RGS3: variants seen among roughly 807,000 people sequenced by gnomAD.
RGS3 encodes the protein regulator of G protein signaling 3, also known as regulator of G-protein signalling 3.
RGS3 carries 80 observed loss-of-function variants against 132.6 expected under a neutral mutation model. The ratio of observed to expected loss-of-function variants is 0.60; its 90% CI spans 0.50 to 0.73. RGS3 has a LOEUF of 0.73. Ranked by LOEUF, RGS3 falls within the 30% of genes least tolerant of loss-of-function variation. The probability of loss-of-function intolerance (pLI) is 0.00; values close to 1 mark genes in which losing one functional copy is unlikely to be tolerated. For synonymous variants in RGS3, 598 were observed against 620.6 expected (o/e 0.96, Z 0.54); for missense variants, 1,382 against 1,530.8 (o/e 0.90, Z 1.62).
chr9:113,591,183 G>A lies in RGS3; in HGVS notation c.3016-150G>A. The A allele has an allele frequency of 1.5e-6, 1 of 646,824 alleles. No individual in the cohort carries two copies. Among genetic ancestry groups the A allele is most frequent in the Non-Finnish European group, 2.7e-6 (1 of 369,048 alleles). The allele number at this position is 646,824 out of a possible 1,614,324, so 40.1% of individuals were successfully genotyped here. A position where few individuals can be genotyped will look rare whatever the true frequency, so the allele number is the denominator to read the frequency against. On this transcript the variant is annotated intron_variant, in intron 20 of 24. Transcript: ENST00000350696. This position sits in a 1 kb window ranked among gnomAD's most constrained non-coding sequence, Gnocchi z 4.4. ...CATGGCCAGGCTGTTCCCAGCAGTG[G>A]GGTTTCCCTCCCTCACCTGTGTGCC...
At chr9:113,520,051 C>T (rs1831865991) in intron 16 of RGS3, among the ~76,000 whole-genome samples, 1 of 152,182 alleles carries the variant, frequency 6.6e-6, no homozygotes, top group Admixed American at 6.5e-5. Flanking sequence ...CAAGAAGAAG[C>T]TTAGTTAGGG....
chr9:113,594,372 G>T (rs576516149), intron 21 of RGS3, 58 bp from the exon 20 acceptor site: 3 of 1,603,364 alleles, frequency 1.9e-6, no homozygotes, highest in Non-Finnish European at 2.6e-6. Context: ...CCCGACTCTG[G>T]ATTTGCAGGG....
intron 4 of RGS3, among the ~76,000 whole-genome samples, chr9:113,480,831 G>A (rs1830137187): frequency 6.6e-6 from 1 of 152,194 alleles, no homozygotes; most frequent in Non-Finnish European, 1.5e-5. Flanking sequence ...CCTTCCATCC[G>A]GCACATGAAT....
chr9:113,475,784 G>T (rs371140309), intron 3 of RGS3, among the ~76,000 whole-genome samples: 149 of 150,542 alleles, frequency 9.9e-4, no homozygotes, highest in South Asian at 2.9e-3. Context: ...GAGGTTGGGT[G>T]GGGGGGGTGT....
intron 7 of RGS3, among the ~76,000 whole-genome samples, chr9:113,493,061 C>T (rs1830572030): frequency 6.6e-6 from 1 of 152,178 alleles, no homozygotes; most frequent in African/African-American, 2.4e-5. Context: ...AGTATGGGCA[C>T]CTGGATAGCA....
chr9:113,479,311 C>A (rs947322079), intron 3 of RGS3, 180 bp from the exon 2 acceptor site: 1 of 677,850 alleles, frequency 1.5e-6, no homozygotes, highest in South Asian at 1.7e-5. Flanking sequence ...AAGGGACTCC[C>A]GATGTGGTGG....
intron 19 of RGS3, among the ~76,000 whole-genome samples, chr9:113,573,395 C>T (rs979530834): frequency 1.3e-5 from 2 of 152,170 alleles, no homozygotes; most frequent in African/African-American, 4.8e-5. Context: ...AGGGGCACCA[C>T]CATGGGCTAC....
intron 14 of RGS3, among the ~76,000 whole-genome samples, chr9:113,513,674 T>C (rs1174528787): frequency 6.6e-6 from 1 of 152,146 alleles, no homozygotes. Context: ...GAGGGTGAAA[T>C]AAGTTGCCCA....
rs1009261023 is a variant in RGS3, at chr9:113,510,103, C to A, written c.1477+1523C>A. On this transcript the variant is annotated intron_variant, in intron 14 of 24. Coordinates refer to ENST00000350696, the Ensembl canonical transcript of RGS3. ...TCTCACCCCCCTCCCATCCTTCCCCCGAAGTCTGCAAAGTCCATGGTATCA... is the reference window on the plus strand; with the variant it reads ...TCTCACCCCCCTCCCATCCTTCCCCAGAAGTCTGCAAAGTCCATGGTATCA... Among the ~76,000 whole-genome samples the A allele has an allele frequency of 3.3e-5, 5 of 152,022 alleles. No homozygotes were observed. The East Asian group carries it at 9.6e-4, about 29-fold the overall frequency.
chr9:113,461,524 G>T (rs1829469889), intron 1 of RGS3, among the ~76,000 whole-genome samples: 1 of 152,180 alleles, frequency 6.6e-6, no homozygotes, highest in East Asian at 1.9e-4. Context: ...CTTACTGGTG[G>T]TGGTGAAGGT....
chr9:113,581,952 TC>T, intron 19 of RGS3: 1 of 872,248 alleles, frequency 1.1e-6, no homozygotes, highest in Non-Finnish European at 1.4e-6. Context: ...CTCCAAGGCC[TC>T]CCCTCCCTTG....
chr9:113,462,956 C>T (rs1463262669), intron 3 of RGS3, among the ~76,000 whole-genome samples: 7 of 152,312 alleles, frequency 4.6e-5, no homozygotes, highest in African/African-American at 1.2e-4. Flanking sequence ...GAAACTGCTA[C>T]GAGGAGGTGT....
chr9:113,544,276 C>T (rs1352759830), intron 19 of RGS3, among the ~76,000 whole-genome samples: 4 of 151,550 alleles, frequency 2.6e-5, no homozygotes, highest in South Asian at 2.1e-4. Context: ...CACACACCCC[C>T]GACCCTCTGA....
At chr9:113,501,251 A>G in intron 10 of RGS3, 1 of 407,964 alleles carries the variant, frequency 2.5e-6, no homozygotes, top group Non-Finnish European at 4.3e-6. Flanking sequence ...TGGAATCACA[A>G]AGTGGCCCAT....
At chr9:113,561,705 G>A (rs1833797515) in intron 19 of RGS3, among the ~76,000 whole-genome samples, 1 of 151,612 alleles carries the variant, frequency 6.6e-6, no homozygotes, top group South Asian at 2.1e-4. Flanking sequence ...ACATGCTCGT[G>A]ATGGGGTCTT....
In RGS3 at chr9:113,565,408, AAGT is replaced by A; in HGVS notation, c.2038-18039_2038-18037del. The A allele has an allele frequency of 7.9e-7, 1 of 1,265,166 alleles. No individual in the cohort carries two copies. Among genetic ancestry groups the A allele is most frequent in the Non-Finnish European group, 1.0e-6 (1 of 970,580 alleles). The allele number at this position is 1,265,166 out of a possible 1,614,324, so 78.4% of individuals were successfully genotyped here. On this transcript the variant is annotated intron_variant, in intron 19 of 24. Coordinates refer to ENST00000350696, the Ensembl canonical transcript of RGS3. This position sits in a 1 kb window ranked among gnomAD's most constrained non-coding sequence, Gnocchi z 5.7. Reference sequence around the variant, plus strand: ...GGAGGAGGAGGAAGAGGAGGAGGACAAGTAGGAGGAGGAGGAAGAGGAGGAGGG... The same window carrying A: ...GGAGGAGGAGGAAGAGGAGGAGGACAAGGAGGAGGAGGAAGAGGAGGAGGG...
chr9:113,479,201 GAGATTTCCC>G (rs1029661766), intron 3 of RGS3: 10 of 434,834 alleles, frequency 2.3e-5, no homozygotes, highest in Non-Finnish European at 4.1e-5. Flanking sequence ...ACCCAGCAGT[GAGATTTCCC>G]AGCATCCACC....
At chr9:113,583,170 C>T in intron 19 of RGS3, 1 of 500,784 alleles carries the variant, frequency 2.0e-6, no homozygotes, top group Non-Finnish European at 3.5e-6. Context: ...CTGGCACCTG[C>T]CAAAGCAGGA....
In RGS3 at chr9:113,514,503, A is replaced by G. The variant is rs768031295; in HGVS notation, c.1523A>G (p.Lys508Arg). The G allele has an allele frequency of 6.2e-7, 1 of 1,614,202 alleles. No homozygotes were observed. Among genetic ancestry groups the G allele is most frequent in the East Asian group, 2.2e-5 (1 of 44,888 alleles). Residue 508 changes from lysine (K) to arginine (R), a missense_variant, in exon 15 of 25, where the codon AAG becomes AGG. Physicochemically the swap from Lys to Arg is conservative, Grantham distance 26. Coordinates refer to ENST00000350696, the Ensembl canonical transcript of RGS3. Reference sequence around the variant, plus strand: ...GGGAAGTCCTACACAGGCCTGGGGAAGAAGTCCCGGCTGATGAAGACAGTG... The same window carrying G: ...GGGAAGTCCTACACAGGCCTGGGGAGGAAGTCCCGGCTGATGAAGACAGTG...
Sources: allele counts gnomAD v4.1 joint callset (sites outside exome capture counted in the v4.1 genomes callset), GRCh38; gene constraint gnomAD v4.1.1; non-coding constraint Gnocchi (gnomAD v3.1); transcripts MANE v1.5; gene names NCBI Gene and HGNC (gene_info 2026-07-23, HGNC 2026-07-21).